The following ERC2 variants were observed in gnomAD, a reference collection of about 807,000 sequenced individuals.
ERC2 encodes the protein ERC protein 2.
A neutral mutation model predicts 114.8 loss-of-function variants in ERC2; 42 were observed. The ratio of observed to expected loss-of-function variants is 0.37; its 90% CI spans 0.29 to 0.47. The LOEUF (loss-of-function observed/expected upper bound fraction) is 0.47, where lower values mean the gene tolerates loss of function less well. Ranked by LOEUF, ERC2 falls within the 20% of genes least tolerant of loss-of-function variation. The pLI, the probability that ERC2 is intolerant of heterozygous loss-of-function variation, is 0.99. For synonymous variants in ERC2, 454 were observed against 425.5 expected (o/e 1.07, Z -0.82); for missense variants, 939 against 1,150.7 (o/e 0.82, Z 2.66).
intron 3 of ERC2, among the ~76,000 whole-genome samples, chr3:56,264,664 T>C (rs1192970542): frequency 2.0e-5 from 3 of 150,144 alleles, no homozygotes; most frequent in African/African-American, 7.3e-5. Flanking sequence ...AGAAGTAAAA[T>C]TATCCCTATT....
At chr3:55,704,414 G>T (rs1199036664) in intron 15 of ERC2, among the ~76,000 whole-genome samples, 2 of 152,212 alleles carry the variant, frequency 1.3e-5, no homozygotes, top group Admixed American at 6.5e-5. Context: ...GTTGCTATGG[G>T]ATATGGAGAT....
At chr3:55,822,461 C>T (rs1201426298) in intron 14 of ERC2, among the ~76,000 whole-genome samples, 1 of 152,040 alleles carries the variant, frequency 6.6e-6, no homozygotes, top group Non-Finnish European at 1.5e-5. Flanking sequence ...AGTAGGGACT[C>T]GGTGACCCAC....
chr3:55,790,361 C>T (rs894748193), intron 14 of ERC2, among the ~76,000 whole-genome samples: 3 of 152,138 alleles, frequency 2.0e-5, no homozygotes, highest in African/African-American at 7.2e-5. Context: ...TCCTGTAGCC[C>T]CCCACAATAC....
intron 17 of ERC2, among the ~76,000 whole-genome samples, chr3:55,676,664 G>C (rs1257257216): frequency 6.6e-6 from 1 of 151,808 alleles, no homozygotes; most frequent in Non-Finnish European, 1.5e-5. Context: ...TTCCAAATTA[G>C]TGTCATCTGT....
chr3:55,590,054 A>G (rs1019222315), intron 17 of ERC2, among the ~76,000 whole-genome samples: 6 of 152,238 alleles, frequency 3.9e-5, no homozygotes, highest in African/African-American at 1.2e-4. Context: ...ACTAATTATA[A>G]AAATAAGACA....
intron 7 of ERC2, among the ~76,000 whole-genome samples, chr3:56,040,313 A>AT (rs1336035436): frequency 1.3e-5 from 2 of 151,372 alleles, no homozygotes; most frequent in African/African-American, 2.4e-5. Flanking sequence ...AATTACTTTG[A>AT]TTTTTTTTCC....
intron 2 of ERC2, among the ~76,000 whole-genome samples, chr3:56,407,150 C>T (rs1393807871): frequency 1.3e-5 from 2 of 152,190 alleles, no homozygotes; most frequent in African/African-American, 4.8e-5. Flanking sequence ...TCTCGCTACT[C>T]CCAACAACTT....
intron 2 of ERC2, among the ~76,000 whole-genome samples, chr3:56,394,353 G>T (rs1397428954): frequency 1.3e-5 from 2 of 152,042 alleles, no homozygotes; most frequent in Non-Finnish European, 2.9e-5. Flanking sequence ...CTGTTTTATA[G>T]GTAACTCCAG....
chr3:56,089,166 G>C (rs1158967743), intron 6 of ERC2, among the ~76,000 whole-genome samples: 2 of 152,144 alleles, frequency 1.3e-5, no homozygotes, highest in Admixed American at 1.3e-4. Flanking sequence ...TAGTTAATTA[G>C]CTATGAAAGA....
intron 3 of ERC2, among the ~76,000 whole-genome samples, chr3:56,223,465 G>A (rs1300568017): frequency 6.9e-6 from 1 of 144,002 alleles, no homozygotes; most frequent in African/African-American, 2.6e-5. Flanking sequence ...CAAATGCAGA[G>A]AGGATGAATT....
At position 56,355,502 on chromosome 3, in the gene ERC2, G is replaced by A. The variant is rs1156494423; in HGVS notation, c.658-59067C>T. On this transcript the variant is annotated intron_variant, in intron 2 of 17. Coordinates refer to ENST00000288221, the MANE Select transcript of ERC2 (RefSeq NM_015576.3). ...TCGGATAATTTTTTTTGTAAAGACA[G>A]GATCTTCCCATGTTGCCCACACTGG... 2.6e-5 allele frequency among the ~76,000 whole-genome samples: 4 copies of A among 151,730 alleles called. No homozygotes were observed. In the South Asian group the frequency reaches 8.3e-4, roughly 32 times the overall value.
Position 55,950,526 on chromosome 3 carries a change from G to A in ERC2, c.2302C>T (p.Leu768Phe), listed in dbSNP as rs2067426921. The change falls in exon 13 of 18, where the codon CTC (leucine) becomes TTC (phenylalanine). Residue 768 changes from leucine (L) to phenylalanine (F), a missense_variant. By Grantham distance (22) the Leu-to-Phe change is conservative (BLOSUM62 0). Transcript: ENST00000288221. Reference sequence around the variant, plus strand: ...TTTTCCAACTGTTGATTGTGCTTGAGGTTGGCCACCTTCTTATTCTGATCT... The same window carrying A: ...TTTTCCAACTGTTGATTGTGCTTGAAGTTGGCCACCTTCTTATTCTGATCT... Reference protein sequence around the residue: ...MKDQNKKVANLKHNQQLEKKK... With the variant: ...MKDQNKKVANFKHNQQLEKKK... The A allele has an allele frequency of 2.5e-6, 4 of 1,614,004 alleles. No homozygotes were observed. In the East Asian group the frequency reaches 8.9e-5, roughly 36 times the overall value.
chr3:56,397,303 T>G (rs1476991308), intron 2 of ERC2, among the ~76,000 whole-genome samples: 1 of 151,072 alleles, frequency 6.6e-6, no homozygotes, highest in African/African-American at 2.4e-5. Flanking sequence ...GGGCCATGAT[T>G]GCACCACTGC....
chr3:55,990,756 A>G (rs1044137675), intron 11 of ERC2, among the ~76,000 whole-genome samples: 11 of 152,192 alleles, frequency 7.2e-5, no homozygotes, highest in African/African-American at 2.4e-4. Context: ...ATAATGATAT[A>G]CATGTTCCAC....
At chr3:56,104,276 T>C (rs1485670) in intron 6 of ERC2, among the ~76,000 whole-genome samples, 28,613 of 152,212 alleles carry the variant, frequency 0.19, 3,559 homozygotes, top group Admixed American at 0.29. Context: ...CATTGTCTTA[T>C]CAATCACAGT....
intron 14 of ERC2, among the ~76,000 whole-genome samples, chr3:55,859,641 T>C (rs1265923180): frequency 6.6e-6 from 1 of 151,948 alleles, no homozygotes; most frequent in Non-Finnish European, 1.5e-5. Flanking sequence ...TTCAAGAAGG[T>C]CACCAAAGGT....
chr3:55,917,126 A>G (rs1215938222), intron 13 of ERC2, among the ~76,000 whole-genome samples: 1 of 152,158 alleles, frequency 6.6e-6, no homozygotes, highest in African/African-American at 2.4e-5. Flanking sequence ...TTCCATCATG[A>G]AGGTCCCCTG....
intron 3 of ERC2, among the ~76,000 whole-genome samples, chr3:56,256,987 C>G (rs34770968): frequency 0.23 from 35,292 of 152,120 alleles, 4,695 homozygotes; most frequent in Non-Finnish European, 0.29. Context: ...CTAATACAGG[C>G]CATATGTTTA....
intron 3 of ERC2, among the ~76,000 whole-genome samples, chr3:56,242,918 T>C (rs1249275711): frequency 2.0e-5 from 3 of 152,202 alleles, no homozygotes; most frequent in Admixed American, 6.5e-5. Flanking sequence ...TAAATGTAGC[T>C]GAAAAGTCTT....
Sources: gnomAD v4.1 joint callset for allele counts (sites outside exome capture counted in the v4.1 genomes callset) on GRCh38, gnomAD v4.1.1 for gene constraint, MANE v1.5 for transcripts, NCBI Gene and HGNC (gene_info 2026-07-23, HGNC 2026-07-21) for gene names.